The following PKHD1L1 variants were observed in gnomAD, a reference collection of about 807,000 sequenced individuals.
The protein encoded by PKHD1L1 is PKHD1 like 1.
A neutral mutation model predicts 462.9 loss-of-function variants in PKHD1L1; 434 were observed. That is an observed-to-expected ratio of 0.94 (90% CI 0.87 to 1.02). The LOEUF is 1.02. PKHD1L1 is among the 50% of genes least tolerant of loss of function. The probability of loss-of-function intolerance (pLI) is 0.00; values close to 1 mark genes in which losing one functional copy is unlikely to be tolerated. For synonymous variants in PKHD1L1, 1,781 were observed against 1,750.0 expected (o/e 1.02, Z -0.44); for missense variants, 5,202 against 5,096.1 (o/e 1.02, Z -0.63).
Position 109,364,630 on chromosome 8 carries a change from G to A in PKHD1L1, c.157G>A (p.Gly53Arg). The A allele has an allele frequency of 1.3e-6, 2 of 1,528,028 alleles. No individual in the cohort carries two copies. Among genetic ancestry groups the A allele is most frequent in the Non-Finnish European group, 1.8e-6 (2 of 1,125,744 alleles). The allele number at this position is 1,528,028 out of a possible 1,614,324, so 94.7% of individuals were successfully genotyped here. Reference protein sequence around the residue: ...INGATRLTIRGEGFSQANQFN... With the variant: ...INGATRLTIRREGFSQANQFN... ...TGGAGCAACAAGGCTGACTATAAGA[G>A]GGGAAGGTATCGTTGCTTTTTTTTT... is the stretch of plus-strand genomic sequence containing the variant. The change falls in exon 2 of 78, where the codon GGG (glycine) becomes AGG (arginine). Residue 53 changes from glycine to arginine, a missense_variant. Gly to Arg is a moderately radical substitution (Grantham distance 125). Coordinates refer to ENST00000378402, the MANE Select transcript of PKHD1L1 (RefSeq NM_177531.6).
chr8:109,438,333 G>A lies in PKHD1L1; in HGVS notation c.3637G>A (p.Gly1213Ser), dbSNP rs1266384535. ...ITCRTPKKTE[G>S]TVDISVTTNG... ...TTTCCTCTTATTTTAGAAAACTGAG[G>A]GTACAGTTGATATTTCAGTTACTAC... Residue 1213 changes from glycine to serine, a missense_variant, in exon 31 of 78, where the codon GGT becomes AGT. Physicochemically the swap from Gly to Ser is moderately conservative, Grantham distance 56 (BLOSUM62 0). Around this residue, in one of 3 missense-constraint regions of PKHD1L1, gnomAD observed 4,497 missense variants for 4,336.8 expected, o/e 1.04. Coordinates refer to ENST00000378402, the MANE Select transcript of PKHD1L1 (RefSeq NM_177531.6). 6.7e-7 allele frequency: 1 copy of A among 1,499,268 alleles called. No homozygotes were observed. The highest frequency in any genetic ancestry group is 8.9e-7 in the Non-Finnish European group (1 of 1,117,332). 92.9% of individuals were successfully genotyped at this position (1,499,268 alleles called of 1,614,324 possible).
intron 9 of PKHD1L1, among the ~76,000 whole-genome samples, chr8:109,394,192 A>G (rs68027617): frequency 2.1e-5 from 3 of 140,564 alleles, no homozygotes; most frequent in Non-Finnish European, 4.7e-5. Context: ...AAAAAAAAAA[A>G]AAAAAGAAAT....
intron 77 of PKHD1L1, among the ~76,000 whole-genome samples, chr8:109,527,576 T>C (rs1312046395): frequency 1.3e-5 from 2 of 152,184 alleles, no homozygotes; most frequent in African/African-American, 2.4e-5. Context: ...ATATCAGAAC[T>C]CTTTTTGAGT....
chr8:109,443,866 T>A lies in PKHD1L1; in HGVS notation c.4755T>A (p.Ile1585=). 1 of 1,613,718 alleles carries A rather than the reference T, an allele frequency of 6.2e-7. No homozygotes were observed. Among genetic ancestry groups the A allele is most frequent in the South Asian group, 1.1e-5 (1 of 91,068 alleles). The change falls in exon 37 of 78, where the codon ATT becomes ATA. Residue 1585 remains isoleucine (I), a synonymous_variant. Transcript: ENST00000378402. ...TGTVNELITI[I]GHGFSNLPWA... ...CAGTAAATGAACTAATAACAATTAT[T>A]GGACATGGCTTTAGTAATCTCCCAT...
chr8:109,494,272 A>G (rs1415210737), intron 63 of PKHD1L1, among the ~76,000 whole-genome samples: 1 of 151,730 alleles, frequency 6.6e-6, no homozygotes, highest in Non-Finnish European at 1.5e-5. Flanking sequence ...GGAAAGCGAA[A>G]CATTTACACC....
intron 2 of PKHD1L1, among the ~76,000 whole-genome samples, chr8:109,379,775 G>GT (rs1812016637): frequency 6.6e-6 from 1 of 152,150 alleles, no homozygotes; most frequent in Non-Finnish European, 1.5e-5. Context: ...CCACTGAACT[G>GT]AAACTACCAC....
At chr8:109,378,403 C>A (rs1463387584) in intron 2 of PKHD1L1, among the ~76,000 whole-genome samples, 1 of 152,154 alleles carries the variant, frequency 6.6e-6, no homozygotes, top group Non-Finnish European at 1.5e-5. Flanking sequence ...CCTCTCCTAC[C>A]ATTTCTCTTC....
chr8:109,438,695 C>T (rs1027804017), intron 31 of PKHD1L1, among the ~76,000 whole-genome samples: 2 of 150,698 alleles, frequency 1.3e-5, no homozygotes, highest in Non-Finnish European at 3.0e-5. Flanking sequence ...CATCTTTTTT[C>T]CTTTTGAGCA....
At chr8:109,488,007 T>C (rs1818644939) in intron 59 of PKHD1L1, among the ~76,000 whole-genome samples, 1 of 151,712 alleles carries the variant, frequency 6.6e-6, no homozygotes, top group African/African-American at 2.4e-5. Flanking sequence ...CATCAGTAGG[T>C]ACATAATGTA....
chr8:109,432,860 C>A (rs1419979294), intron 27 of PKHD1L1, among the ~76,000 whole-genome samples: 1 of 152,078 alleles, frequency 6.6e-6, no homozygotes, highest in Non-Finnish European at 1.5e-5. Context: ...TCAGATAGTT[C>A]TTTCCACTAG....
In PKHD1L1 at chr8:109,466,722, C is replaced by T. The variant is rs771373664; in HGVS notation, c.8558C>T (p.Ser2853Phe). The T allele has an allele frequency of 3.1e-6, 5 of 1,612,980 alleles. No individual in the cohort carries two copies. The South Asian group carries it at 4.4e-5, about 14-fold the overall frequency. ...SFHRLAFNQP[S>F]PVSLLEKDVV... ...CACCGTTTAGCGTTCAACCAGCCTTCTCCAGTATCTCTGCTTGAAAAGGAT... is the reference window on the plus strand; with the variant it reads ...CACCGTTTAGCGTTCAACCAGCCTTTTCCAGTATCTCTGCTTGAAAAGGAT... Residue 2853 changes from serine (S) to phenylalanine (F), a missense_variant, in exon 50 of 78, where the codon TCT (serine) becomes TTT (phenylalanine). Physicochemically the swap from Ser to Phe is radical, Grantham distance 155 (BLOSUM62 -2). Coordinates refer to ENST00000378402, the MANE Select transcript of PKHD1L1 (RefSeq NM_177531.6).
intron 32 of PKHD1L1, among the ~76,000 whole-genome samples, 184 bp downstream of exon 32, chr8:109,439,276 C>T (rs950094124): frequency 6.6e-6 from 1 of 152,074 alleles, no homozygotes; most frequent in African/African-American, 2.4e-5. Context: ...AGTTTTGAGA[C>T]CAATACCATT....
chr8:109,404,180 C>T (rs1164172057), intron 14 of PKHD1L1, among the ~76,000 whole-genome samples: 1 of 152,064 alleles, frequency 6.6e-6, no homozygotes, highest in Non-Finnish European at 1.5e-5. Context: ...TCTAAGCCTG[C>T]CATTTTCTTG....
intron 19 of PKHD1L1, among the ~76,000 whole-genome samples, chr8:109,411,868 T>C (rs1813873622): frequency 6.6e-6 from 1 of 152,192 alleles, no homozygotes; most frequent in Admixed American, 6.6e-5. Flanking sequence ...TTGGCTTCTT[T>C]GTCTTAGACG....
intron 5 of PKHD1L1, among the ~76,000 whole-genome samples, chr8:109,384,972 CAT>C (rs1349147398): frequency 6.6e-6 from 1 of 151,778 alleles, no homozygotes; most frequent in African/African-American, 2.4e-5. Flanking sequence ...ATATGTAAGA[CAT>C]ATATTTTGAA....
rs1586614516 is a variant in PKHD1L1, at chr8:109,491,026, T to C, written c.10039T>C (p.Ser3347Pro). The C allele has an allele frequency of 1.2e-6, 2 of 1,610,090 alleles. No homozygotes were observed. The highest frequency in any genetic ancestry group is 2.7e-5 in the African/African-American group (2 of 74,866). Residue 3347 changes from serine (S) to proline (P), a missense_variant, in exon 61 of 78, where the codon TCT (serine) becomes CCT (proline). Physicochemically the swap from Ser to Pro is moderately conservative, Grantham distance 74. Around this residue, in one of 3 missense-constraint regions of PKHD1L1, gnomAD observed 4,497 missense variants for 4,336.8 expected, o/e 1.04. Coordinates refer to ENST00000378402, the MANE Select transcript of PKHD1L1 (RefSeq NM_177531.6). ...IRGCAFHHGF[S>P]PAIGVFGTDG... ...AGGCTGTGCTTTTCACCATGGCTTC[T>C]CTCCAGCAATTGGTGTATTTGGGAC... is the stretch of plus-strand genomic sequence containing the variant.
intron 72 of PKHD1L1, among the ~76,000 whole-genome samples, chr8:109,517,350 CT>C (rs1820323034): frequency 6.6e-6 from 1 of 151,948 alleles, no homozygotes; most frequent in South Asian, 2.1e-4. Context: ...TGTGAAATTC[CT>C]TCTTCTTCCT....
intron 9 of PKHD1L1, among the ~76,000 whole-genome samples, chr8:109,391,034 C>G (rs374675881): frequency 6.6e-6 from 1 of 152,160 alleles, no homozygotes; most frequent in African/African-American, 2.4e-5. Context: ...GAAAGATCAT[C>G]ATACATTTAT....
chr8:109,516,286 C>G (rs1820266172), intron 72 of PKHD1L1, among the ~76,000 whole-genome samples: 1 of 152,056 alleles, frequency 6.6e-6, no homozygotes, highest in Non-Finnish European at 1.5e-5. Context: ...TTTATTTTCT[C>G]TGGATCTCTG....
Sources: allele counts gnomAD v4.1 joint callset (sites outside exome capture counted in the v4.1 genomes callset), GRCh38; gene constraint gnomAD v4.1.1; regional missense constraint gnomAD v4.1.1; transcripts MANE v1.5; gene names NCBI Gene and HGNC (gene_info 2026-07-23, HGNC 2026-07-21).